Variants in DOCK1 observed in about 807,000 individuals in gnomAD.
The protein encoded by DOCK1 is dedicator of cytokinesis protein 1.
Under a neutral mutation model 262.7 loss-of-function variants are expected in DOCK1, and 138 were observed. That is an observed-to-expected ratio of 0.53 (90% CI 0.46 to 0.61). DOCK1 has a LOEUF of 0.61. Among genes scored for constraint, DOCK1 ranks in the 20% least tolerant of loss-of-function variants. The pLI is 0.00. For missense variants in DOCK1, 1,908 were observed against 2,370.7 expected (o/e 0.80, Z 4.05); for synonymous variants, 866 against 867.4 (o/e 1.00, Z 0.03).
At chr10:126,947,538 TTGG>T (rs1487391805) in intron 1 of DOCK1, among the ~76,000 whole-genome samples, 20 of 124,322 alleles carry the variant, frequency 1.6e-4, no homozygotes, top group Admixed American at 2.4e-4. Context: ...AGTATTACTG[TTGG>T]TGGTGATGGT....
intron 1 of DOCK1, among the ~76,000 whole-genome samples, chr10:126,928,492 G>A (rs1413269610): frequency 4.0e-5 from 6 of 151,614 alleles, no homozygotes; most frequent in African/African-American, 1.5e-4. Flanking sequence ...GGACACATGA[G>A]AACTCAGCTG....
intron 38 of DOCK1, among the ~76,000 whole-genome samples, chr10:127,398,434 G>A (rs149061081): frequency 6.6e-6 from 1 of 152,156 alleles, no homozygotes; most frequent in African/African-American, 2.4e-5. Flanking sequence ...CACTCAGCAC[G>A]CATTGAGCAA....
chr10:127,212,290 A>G (rs2058016075), intron 27 of DOCK1, among the ~76,000 whole-genome samples: 1 of 152,176 alleles, frequency 6.6e-6, no homozygotes, highest in South Asian at 2.1e-4. Context: ...GTGGTTTTAG[A>G]AGGAAACTTC....
Position 127,032,101 on chromosome 10 carries a change from AAT to A in DOCK1, c.1729-35_1729-34del. 3 of 1,562,996 alleles carry A rather than the reference AAT, an allele frequency of 1.9e-6. No homozygotes were observed. The Admixed American group carries it at 5.8e-5, about 30-fold the overall frequency. On this transcript the variant is annotated intron_variant, in intron 17 of 51. Transcript: ENST00000623213. ...CAAAAATGGTGTGTTGCTGTTTGTGAATTGCCTTTGACATACGGCATGACTAA... is the reference window on the plus strand; with the variant it reads ...CAAAAATGGTGTGTTGCTGTTTGTGATGCCTTTGACATACGGCATGACTAA...
rs758044863 is a variant in DOCK1 at position 127,409,217 on chromosome 10, G to A, written c.4264+39G>A. 39 of 1,612,106 alleles carry A rather than the reference G, an allele frequency of 2.4e-5. No individual in the cohort carries two copies. The Middle Eastern group carries it at 8.2e-4, about 34-fold the overall frequency. The stretch of plus-strand genomic sequence containing the variant: ...CAACCTCATCAACTCTGAAACCATG[G>A]TGATGCCATTCATTTGGGTGGTTGG... On this transcript the variant is annotated intron_variant, in intron 41 of 51. Coordinates refer to ENST00000623213, the MANE Select transcript of DOCK1 (RefSeq NM_001290223.2).
chr10:127,023,343 G>C lies in DOCK1; in HGVS notation c.1452+19G>C, dbSNP rs781719709. ...ATTAGAGGTATTTATTGTGGCGAGG[G>C]CTCATCTGTAGTGTTTCAGTTTTAC... On this transcript the variant is annotated intron_variant, in intron 14 of 51. Transcript: ENST00000623213. The C allele has an allele frequency of 1.9e-6, 3 of 1,613,252 alleles. No individual in the cohort carries two copies. Among genetic ancestry groups the C allele is most frequent in the Non-Finnish European group, 2.5e-6 (3 of 1,179,636 alleles).
chr10:127,125,690 A>C (rs1186355), intron 26 of DOCK1, 89 bp downstream of exon 26: 1,313,997 of 1,507,690 alleles, frequency 0.87, 574,646 homozygotes, highest in East Asian at 0.93. Context: ...TAAAAATGAA[A>C]GGTCTTGATT....
At chr10:127,381,958 TATGGATGG>T (rs10541699) in intron 37 of DOCK1, among the ~76,000 whole-genome samples, 2,076 of 149,972 alleles carry the variant, frequency 0.014, 45 homozygotes, top group African/African-American at 0.046. Context: ...TACAGTGACG[TATGGATGG>T]ATGGATGGAT....
chr10:127,214,672 C>T (rs1336879396), intron 27 of DOCK1, among the ~76,000 whole-genome samples: 5 of 152,122 alleles, frequency 3.3e-5, no homozygotes, highest in African/African-American at 9.7e-5. Flanking sequence ...GGCACACCTG[C>T]GGGAGAGCGC....
chr10:127,112,273 G>A lies in DOCK1; in HGVS notation c.2623+1919G>A, dbSNP rs112716329. On this transcript the variant is annotated intron_variant, in intron 25 of 51. Coordinates refer to ENST00000623213, the MANE Select transcript of DOCK1 (RefSeq NM_001290223.2). ...ATGATCCACCCGCCTCGGCCTCCCAGAGTGCTGGGATTACAGGCGTGAGCC... is the reference window on the plus strand; with the variant it reads ...ATGATCCACCCGCCTCGGCCTCCCAAAGTGCTGGGATTACAGGCGTGAGCC... Among the ~76,000 whole-genome samples, 1,442 of 152,216 alleles carry A rather than the reference G, an allele frequency of 9.5e-3. 22 individuals are homozygous for A. The highest frequency in any genetic ancestry group is 0.032 in the African/African-American group (1,350 of 41,546).
chr10:127,215,107 TC>T (rs2058147984), intron 27 of DOCK1, among the ~76,000 whole-genome samples: 1 of 152,122 alleles, frequency 6.6e-6, no homozygotes, highest in African/African-American at 2.4e-5. Context: ...CTTCCAGGAC[TC>T]CTGCCTCCCT....
At chr10:127,019,523 G>A (rs531559264) in intron 13 of DOCK1, among the ~76,000 whole-genome samples, 1 of 132,134 alleles carries the variant, frequency 7.6e-6, no homozygotes, top group Non-Finnish European at 1.6e-5. Flanking sequence ...TCGAGGCGGG[G>A]GGATCACTTG....
At position 126,978,291 on chromosome 10, in the gene DOCK1, C is replaced by T. The variant is rs76397032; in HGVS notation, c.171+303C>T. Among the ~76,000 whole-genome samples the T allele has an allele frequency of 4.4e-3, 665 of 152,202 alleles. 3 individuals are homozygous for T. The highest frequency in any genetic ancestry group is 0.015 in the African/African-American group (634 of 41,522). The stretch of plus-strand genomic sequence containing the variant: ...GGTCTGTGTGTGTCAGAGAATGATC[C>T]GAGTAAAGCGACTTCAGGAAAAAAA... On this transcript the variant is annotated intron_variant, in intron 3 of 51. Coordinates refer to ENST00000623213, the MANE Select transcript of DOCK1 (RefSeq NM_001290223.2).
intron 1 of DOCK1, among the ~76,000 whole-genome samples, chr10:126,933,540 C>G (rs1344453041): frequency 6.6e-6 from 1 of 152,096 alleles, no homozygotes; most frequent in Non-Finnish European, 1.5e-5. Context: ...CTGAGGGTTC[C>G]CTGTCCTGCC....
At chr10:127,419,796 T>C in intron 46 of DOCK1, 47 bp downstream of exon 46, 2 of 1,537,164 alleles carry the variant, frequency 1.3e-6, no homozygotes, top group Non-Finnish European at 1.8e-6. Context: ...GAAGGAAAGC[T>C]AGGAGGGTCT....
intron 28 of DOCK1, among the ~76,000 whole-genome samples, chr10:127,253,198 A>ACAGAAG (rs1403657769): frequency 3.9e-5 from 6 of 152,232 alleles, no homozygotes; most frequent in African/African-American, 1.4e-4. Flanking sequence ...CGTCTCAGTA[A>ACAGAAG]CAGAAGCAGA....
At chr10:127,173,280 GAAGA>G (rs770419189) in intron 27 of DOCK1, among the ~76,000 whole-genome samples, 1 of 152,134 alleles carries the variant, frequency 6.6e-6, no homozygotes, top group Non-Finnish European at 1.5e-5. Context: ...ACTTACAGGT[GAAGA>G]AAGAAGGCAC....
chr10:127,371,606 T>G (rs912786260), intron 33 of DOCK1, among the ~76,000 whole-genome samples: 3 of 152,262 alleles, frequency 2.0e-5, no homozygotes, highest in African/African-American at 4.8e-5. Context: ...CTGCATTCTC[T>G]GTACCTTTCT....
intron 38 of DOCK1, among the ~76,000 whole-genome samples, chr10:127,391,110 C>T (rs975891148): frequency 3.3e-5 from 5 of 151,978 alleles, no homozygotes; most frequent in Non-Finnish European, 5.9e-5. Context: ...ATTTAAACAG[C>T]GAAAATATTT....
Sources: allele counts gnomAD v4.1 joint callset (sites outside exome capture counted in the v4.1 genomes callset), GRCh38; gene constraint gnomAD v4.1.1; transcripts MANE v1.5; gene names NCBI Gene and HGNC (gene_info 2026-07-23, HGNC 2026-07-21).